FOXK2: variants seen among roughly 807,000 people sequenced by gnomAD.
FOXK2 encodes forkhead box K2, also known as forkhead box protein K2.
A neutral mutation model predicts 53.3 loss-of-function variants in FOXK2; 24 were observed. The observed-to-expected ratio is 0.45, with a 90% CI of 0.33 to 0.63. The LOEUF (loss-of-function observed/expected upper bound fraction) is 0.63. Among genes scored for constraint, FOXK2 ranks in the 30% least tolerant of loss-of-function variants. The pLI is 0.03. For synonymous variants in FOXK2, 505 were observed against 407.1 expected (o/e 1.24, Z -2.89); for missense variants, 952 against 910.5 (o/e 1.05, Z -0.59).
intron 1 of FOXK2, among the ~76,000 whole-genome samples, chr17:82,544,192 C>G (rs993369263): frequency 5.9e-5 from 9 of 152,264 alleles, no homozygotes; most frequent in Admixed American, 3.9e-4. Context: ...GGATTATAGG[C>G]GTGAGCCACT....
Position 82,520,048 on chromosome 17 carries a change from G to C in FOXK2, c.160G>C (p.Val54Leu). 1 of 1,528,078 alleles carries C rather than the reference G, an allele frequency of 6.5e-7. No individual in the cohort carries two copies. Among genetic ancestry groups the C allele is most frequent in the South Asian group, 1.2e-5 (1 of 84,214 alleles). 94.7% of individuals were successfully genotyped at this position (1,528,078 alleles called of 1,614,324 possible). ...EFEYLMKKRSVTIGRNSSQGS... is the reference protein window; with the variant it reads ...EFEYLMKKRSLTIGRNSSQGS... ...CGAGTATCTGATGAAGAAGCGCTCG[G>C]TGACCATCGGCCGCAACTCGTCGCA... The change falls in exon 1 of 9, where the codon GTG becomes CTG. Residue 54 changes from valine (V) to leucine (L), a missense_variant. Physicochemically the swap from Val to Leu is conservative, Grantham distance 32. Coordinates refer to ENST00000335255, the MANE Select transcript of FOXK2 (RefSeq NM_004514.4).
chr17:82,545,065 C>T (rs2044611797), intron 1 of FOXK2, among the ~76,000 whole-genome samples: 1 of 152,190 alleles, frequency 6.6e-6, no homozygotes. Flanking sequence ...TTGCTGCTGA[C>T]CTAGTGGTTT....
intron 4 of FOXK2, chr17:82,578,225 G>C (rs1373278237): frequency 2.6e-5 from 4 of 152,336 alleles, no homozygotes. Context: ...TGAGGAAACA[G>C]ACAAACCGTC....
chr17:82,581,214 A>G (rs946121248), intron 4 of FOXK2, among the ~76,000 whole-genome samples: 2 of 152,242 alleles, frequency 1.3e-5, no homozygotes, highest in African/African-American at 2.4e-5. Flanking sequence ...AATTCACGAA[A>G]TGTTTCTATG....
At chr17:82,574,945 T>A (rs1029821847) in intron 4 of FOXK2, among the ~76,000 whole-genome samples, 1 of 152,374 alleles carries the variant, frequency 6.6e-6, no homozygotes, top group Admixed American at 6.5e-5. Flanking sequence ...TACAAAAGTA[T>A]TTAATAAGTG....
At chr17:82,549,302 CACAGTT>C (rs2044654430) in intron 1 of FOXK2, among the ~76,000 whole-genome samples, 1 of 152,182 alleles carries the variant, frequency 6.6e-6, no homozygotes, top group Admixed American at 6.5e-5. Context: ...ACTTCCTTAT[CACAGTT>C]ACAGTGCAGC....
In FOXK2 at chr17:82,586,168, C is replaced by T. The variant is rs752806018; in HGVS notation, c.1544C>T (p.Ala515Val). ...AAVLAPPKAEAQENGDHREVK... is the reference protein window; with the variant it reads ...AAVLAPPKAEVQENGDHREVK... ...GTGCTGGCCCCTCCTAAGGCAGAGG[C>T]CCAGGAGAATGGAGACCACAGGGAA... The change falls in exon 7 of 9, where the codon GCC becomes GTC. Residue 515 changes from alanine (A) to valine (V), a missense_variant. By Grantham distance (64) the Ala-to-Val change is moderately conservative. Transcript: ENST00000335255. 6.2e-6 allele frequency: 10 copies of T among 1,610,820 alleles called. No individual in the cohort carries two copies. The highest frequency in any genetic ancestry group is 3.3e-5 in the Admixed American group (2 of 59,802).
intron 2 of FOXK2, 128 bp from the exon 3 acceptor site, chr17:82,567,926 C>CTTTTTTTTTTTTTTTTTTTTTTTTTTT (rs3065019): frequency 5.1e-6 from 2 of 391,482 alleles, no homozygotes; most frequent in African/African-American, 2.3e-5. Flanking sequence ...TATTCTCTTC[C>CTTTTTTTTTTTTTTTTTTTTTTTTTTT]TTTTTTTTTT....
At chr17:82,546,657 G>A (rs375354798) in intron 1 of FOXK2, among the ~76,000 whole-genome samples, 34 of 151,904 alleles carry the variant, frequency 2.2e-4, no homozygotes, top group African/African-American at 8.2e-4. Flanking sequence ...AACGGTGACG[G>A]GGGTCTCACC....
intron 1 of FOXK2, among the ~76,000 whole-genome samples, chr17:82,545,122 T>C (rs1351124092): frequency 6.6e-6 from 1 of 152,152 alleles, no homozygotes; most frequent in Non-Finnish European, 1.5e-5. Flanking sequence ...TCCATTCCTC[T>C]CCACTTTGTA....
chr17:82,577,453 CG>C, intron 4 of FOXK2: 1 of 357,776 alleles, frequency 2.8e-6, no homozygotes, highest in East Asian at 5.8e-5. Context: ...CAGGGCGTGG[CG>C]GGCGGCCGGG....
At chr17:82,555,612 C>T (rs950579127) in intron 1 of FOXK2, among the ~76,000 whole-genome samples, 4 of 151,734 alleles carry the variant, frequency 2.6e-5, no homozygotes, top group African/African-American at 7.3e-5. Flanking sequence ...TCACCGGGCG[C>T]GGTGGCTCAC....
chr17:82,564,542 C>A (rs931143740), intron 2 of FOXK2, among the ~76,000 whole-genome samples: 1 of 151,716 alleles, frequency 6.6e-6, no homozygotes, highest in Non-Finnish European at 1.5e-5. Context: ...GGCCTGGATT[C>A]TTTTTATTGG....
At chr17:82,594,907 C>T (rs182957027) in intron 8 of FOXK2, among the ~76,000 whole-genome samples, 397 of 152,192 alleles carry the variant, frequency 2.6e-3, no homozygotes, top group Non-Finnish European at 4.2e-3. Context: ...GTGGCTGTGG[C>T]GGCAGCACCT....
chr17:82,545,781 C>G (rs1311250794), intron 1 of FOXK2, among the ~76,000 whole-genome samples: 1 of 152,030 alleles, frequency 6.6e-6, no homozygotes, highest in African/African-American at 2.4e-5. Context: ...GGGGTTTCAC[C>G]ATGTTGGCCA....
Position 82,571,744 on chromosome 17 carries a change from C to T in FOXK2, c.783C>T (p.Tyr261=). The part of the protein sequence containing the change: ...DSPKDDSKPP[Y]SYAQLIVQAI... ...TACAGGATGATTCAAAGCCGCCTTACTCCTACGCGCAGCTGATAGTTCAGG... is the reference window on the plus strand; with the variant it reads ...TACAGGATGATTCAAAGCCGCCTTATTCCTACGCGCAGCTGATAGTTCAGG... The change falls in exon 4 of 9, where the codon TAC becomes TAT. Residue 261 remains tyrosine (Y), a synonymous_variant. Transcript: ENST00000335255. The T allele has an allele frequency of 6.4e-7, 1 of 1,567,720 alleles. No individual in the cohort carries two copies. Among genetic ancestry groups the T allele is most frequent in the Non-Finnish European group, 8.6e-7 (1 of 1,161,550 alleles).
At chr17:82,538,961 T>A (rs1278830820) in intron 1 of FOXK2, among the ~76,000 whole-genome samples, 1 of 152,268 alleles carries the variant, frequency 6.6e-6, no homozygotes, top group Admixed American at 6.5e-5. Context: ...CTGGTTTATC[T>A]TCTGGTGGAA....
intron 1 of FOXK2, among the ~76,000 whole-genome samples, chr17:82,546,569 T>C (rs1035278363): frequency 6.6e-6 from 1 of 152,062 alleles, no homozygotes; most frequent in African/African-American, 2.4e-5. Context: ...AGGTAATCTG[T>C]AGAGTGCCCC....
chr17:82,580,095 A>G (rs1159264957), intron 4 of FOXK2, among the ~76,000 whole-genome samples: 14 of 76,026 alleles, frequency 1.8e-4, no homozygotes, highest in African/African-American at 2.7e-4. Context: ...TCTCCATGTC[A>G]CCCGTGAAGT....
Sources: gnomAD v4.1 joint callset for allele counts (sites outside exome capture counted in the v4.1 genomes callset) on GRCh38, gnomAD v4.1.1 for gene constraint, MANE v1.5 for transcripts, NCBI Gene and HGNC (gene_info 2026-07-23, HGNC 2026-07-21) for gene names.